The following ZNF420 variants were observed in gnomAD, a reference collection of about 807,000 sequenced individuals.
ZNF420 encodes the protein zinc finger protein 420.
In ZNF420, 31 loss-of-function variants were observed where a neutral mutation model predicts 44.7. The ratio of observed to expected loss-of-function variants is 0.69; its 90% CI spans 0.52 to 0.94. The LOEUF (loss-of-function observed/expected upper bound fraction) is 0.94. ZNF420 is among the 40% of genes least tolerant of loss of function. The pLI, the probability that ZNF420 is intolerant of heterozygous loss-of-function variation, is 0.00. For missense variants in ZNF420, 681 were observed against 827.9 expected, an observed-to-expected ratio of 0.82 and a Z score of 2.18; for synonymous variants, 245 against 267.4, an observed-to-expected ratio of 0.92 and a Z score of 0.82.
At chr19:37,023,346 C>T (rs1218374096) in intron 1 of ZNF420, among the ~76,000 whole-genome samples, 1 of 152,058 alleles carries the variant, frequency 6.6e-6, no homozygotes, top group Non-Finnish European at 1.5e-5. Flanking sequence ...AGAAGAATGC[C>T]AGAAAAGGTT....
chr19:37,105,939 T>A (rs1428522009), intron 4 of ZNF420, among the ~76,000 whole-genome samples: 1 of 152,184 alleles, frequency 6.6e-6, no homozygotes, highest in East Asian at 1.9e-4. Context: ...GGGCAGAGAC[T>A]ATGGGGTTTT....
intron 4 of ZNF420, among the ~76,000 whole-genome samples, chr19:37,110,939 A>C (rs1238014609): frequency 6.6e-6 from 1 of 152,224 alleles, no homozygotes; most frequent in Non-Finnish European, 1.5e-5. Context: ...CAGCAAGACC[A>C]ATCTGCCATG....
At chr19:37,083,937 A>G (rs1355005241) in intron 2 of ZNF420, among the ~76,000 whole-genome samples, 1 of 152,194 alleles carries the variant, frequency 6.6e-6, no homozygotes, top group Non-Finnish European at 1.5e-5. Flanking sequence ...GATATTTCCA[A>G]TTGAAATAAA....
chr19:37,059,926 T>TGC (rs1216264377), intron 1 of ZNF420, among the ~76,000 whole-genome samples: 1 of 152,144 alleles, frequency 6.6e-6, no homozygotes, highest in African/African-American at 2.4e-5. Context: ...TATGTGTGTG[T>TGC]GCCCATGAGC....
At chr19:37,042,598 CTT>C (rs1967474780) in intron 1 of ZNF420, among the ~76,000 whole-genome samples, 1 of 152,246 alleles carries the variant, frequency 6.6e-6, no homozygotes, top group Non-Finnish European at 1.5e-5. Context: ...CTGGTTTGCT[CTT>C]TTCCAATTCA....
At chr19:37,018,661 G>C (rs1330551513) in intron 1 of ZNF420, among the ~76,000 whole-genome samples, 1 of 152,196 alleles carries the variant, frequency 6.6e-6, no homozygotes, top group African/African-American at 2.4e-5. Flanking sequence ...TCTGCCTCCT[G>C]GGTTTAAGTA....
intron 4 of ZNF420, among the ~76,000 whole-genome samples, chr19:37,124,007 T>C (rs1471384855): frequency 6.6e-6 from 1 of 152,202 alleles, no homozygotes; most frequent in Non-Finnish European, 1.5e-5. Context: ...ATACCAACTG[T>C]ATCCACCTAC....
chr19:37,012,762 G>A (rs1568418114), intron 1 of ZNF420, among the ~76,000 whole-genome samples: 1 of 57,064 alleles, frequency 1.8e-5, no homozygotes, highest in Non-Finnish European at 4.4e-5. Context: ...ACTGCTATAT[G>A]TCTCTGTGTG....
intron 4 of ZNF420, among the ~76,000 whole-genome samples, chr19:37,111,191 T>G (rs552391308): frequency 6.7e-6 from 1 of 149,762 alleles, no homozygotes; most frequent in Non-Finnish European, 1.5e-5. Context: ...AAATCAAAAG[T>G]TGGAGTGGGG....
intron 4 of ZNF420, among the ~76,000 whole-genome samples, chr19:37,101,508 G>GTCAA (rs1217514757): frequency 1.3e-5 from 2 of 152,146 alleles, no homozygotes; most frequent in African/African-American, 4.8e-5. Flanking sequence ...CAATCAATCA[G>GTCAA]TCAATCAATC....
intron 4 of ZNF420, among the ~76,000 whole-genome samples, chr19:37,112,685 T>C (rs1341453251): frequency 6.6e-6 from 1 of 152,186 alleles, no homozygotes; most frequent in Non-Finnish European, 1.5e-5. Flanking sequence ...ATCTCACTGT[T>C]TTCAACCTTA....
intron 1 of ZNF420, among the ~76,000 whole-genome samples, chr19:37,043,135 A>G (rs1967487992): frequency 1.3e-5 from 2 of 152,222 alleles, no homozygotes; most frequent in South Asian, 4.1e-4. Context: ...AGTAATCGAA[A>G]AGTTTGAAGT....
chr19:37,124,276 A>C (rs2145327137), intron 4 of ZNF420, among the ~76,000 whole-genome samples: 1 of 152,330 alleles, frequency 6.6e-6, no homozygotes, highest in Middle Eastern at 3.4e-3. Context: ...TTGTTGAGTA[A>C]TGTTGCATGA....
chr19:37,012,638 C>T (rs1234983381), intron 1 of ZNF420, among the ~76,000 whole-genome samples: 1 of 152,160 alleles, frequency 6.6e-6, no homozygotes, highest in East Asian at 1.9e-4. Flanking sequence ...CCCGTGACCT[C>T]GAGGACAGGT....
At chr19:37,043,112 A>G (rs1252388561) in intron 1 of ZNF420, among the ~76,000 whole-genome samples, 2 of 152,236 alleles carry the variant, frequency 1.3e-5, no homozygotes, top group Non-Finnish European at 2.9e-5. Flanking sequence ...ACAGATCACC[A>G]TAACAGAGTA....
intron 4 of ZNF420, among the ~76,000 whole-genome samples, chr19:37,095,772 A>T (rs7250507): frequency 0.56 from 84,992 of 151,688 alleles, 25,347 homozygotes; most frequent in African/African-American, 0.76. Flanking sequence ...CTTATTTTTT[A>T]ATTTTTAGTA....
At chr19:37,059,401 G>C (rs904029470) in intron 1 of ZNF420, among the ~76,000 whole-genome samples, 1 of 152,238 alleles carries the variant, frequency 6.6e-6, no homozygotes, top group Non-Finnish European at 1.5e-5. Context: ...GATTCTCACC[G>C]TTGTCTTAGA....
chr19:37,102,366 A>AC (rs1969828383), intron 4 of ZNF420, among the ~76,000 whole-genome samples: 1 of 151,918 alleles, frequency 6.6e-6, no homozygotes, highest in African/African-American at 2.4e-5. Context: ...CTGAGCTGGC[A>AC]CCCCCAGCTG....
intron 4 of ZNF420, among the ~76,000 whole-genome samples, chr19:37,125,299 A>G (rs1040430071): frequency 6.6e-5 from 10 of 152,244 alleles, no homozygotes; most frequent in African/African-American, 2.4e-4. Context: ...ACATGAGGCA[A>G]GGCATGAAGA....
Sources: gnomAD v4.1 joint callset for allele counts (sites outside exome capture counted in the v4.1 genomes callset) on GRCh38, gnomAD v4.1.1 for gene constraint, MANE v1.5 for transcripts, NCBI Gene and HGNC (gene_info 2026-07-23, HGNC 2026-07-21) for gene names.